Variants in SLC33A1 observed in about 807,000 individuals in gnomAD.
SLC33A1 encodes acetyl-coenzyme A transporter 1.
Under a neutral mutation model 50.0 loss-of-function variants are expected in SLC33A1, and 20 were observed. The ratio of observed to expected loss-of-function variants is 0.40; its 90% CI spans 0.28 to 0.58. SLC33A1 has a LOEUF of 0.58. Among genes scored for constraint, SLC33A1 ranks in the 20% least tolerant of loss-of-function variants. The pLI is 0.44. For missense variants in SLC33A1, 476 were observed against 657.0 expected (o/e 0.72, Z 3.01); for synonymous variants, 265 against 251.8 (o/e 1.05, Z -0.50).
At chr3:155,852,053 T>C (rs922057722) in intron 1 of SLC33A1, among the ~76,000 whole-genome samples, 23 of 152,210 alleles carry the variant, frequency 1.5e-4, no homozygotes, top group Admixed American at 3.9e-4. Flanking sequence ...AAATTCATCA[T>C]CACTGACAGA....
At chr3:155,843,835 C>A (rs974096777) in intron 1 of SLC33A1, among the ~76,000 whole-genome samples, 1 of 152,198 alleles carries the variant, frequency 6.6e-6, no homozygotes, top group African/African-American at 2.4e-5. Context: ...ATCTCATTAA[C>A]CACCCTGAGA....
intron 2 of SLC33A1, among the ~76,000 whole-genome samples, chr3:155,836,299 A>AGG (rs1752665351): frequency 4.3e-5 from 6 of 138,910 alleles, no homozygotes; most frequent in South Asian, 2.2e-4. Context: ...AAAAAAAAAA[A>AGG]AAAAAAAAAA....
intron 2 of SLC33A1, among the ~76,000 whole-genome samples, chr3:155,837,675 G>A (rs1752738461): frequency 6.6e-6 from 1 of 151,822 alleles, no homozygotes; most frequent in Non-Finnish European, 1.5e-5. Context: ...ATACTATACA[G>A]TAATGAGATA....
chr3:155,849,667 G>A (rs899791730), intron 1 of SLC33A1, among the ~76,000 whole-genome samples: 1 of 151,786 alleles, frequency 6.6e-6, no homozygotes, highest in African/African-American at 2.4e-5. Flanking sequence ...CAGCACTTTG[G>A]GAAGCCGAGG....
At chr3:155,832,453 A>T (rs1452614864) in intron 4 of SLC33A1, among the ~76,000 whole-genome samples, 1 of 152,192 alleles carries the variant, frequency 6.6e-6, no homozygotes, top group African/African-American at 2.4e-5. Flanking sequence ...TAAGGATTAC[A>T]AACATATTTA....
chr3:155,834,853 GA>G (rs35406311), intron 2 of SLC33A1, among the ~76,000 whole-genome samples: 31,266 of 152,016 alleles, frequency 0.21, 3,760 homozygotes, highest in South Asian at 0.4. Context: ...GAAGAAACAT[GA>G]GAGAAATGTA....
intron 1 of SLC33A1, chr3:155,844,909 T>C (rs1186349930): frequency 6.6e-6 from 1 of 152,180 alleles, no homozygotes; most frequent in Non-Finnish European, 1.5e-5. Flanking sequence ...TCAAATAATT[T>C]TACATATTAT....
chr3:155,840,308 G>A (rs560271664), intron 2 of SLC33A1, among the ~76,000 whole-genome samples: 1 of 151,750 alleles, frequency 6.6e-6, no homozygotes, highest in South Asian at 2.1e-4. Flanking sequence ...GGCTGGTCTC[G>A]AACTCCTGGC....
At chr3:155,849,600 A>G (rs7616842) in intron 1 of SLC33A1, among the ~76,000 whole-genome samples, 50,092 of 150,008 alleles carry the variant, frequency 0.33, 8,671 homozygotes, top group South Asian at 0.46. Context: ...AAAAAAAAAA[A>G]GGGGCAATTC....
At position 155,826,452 on chromosome 3, in the gene SLC33A1, A is replaced by G. The variant is rs1752201622; in HGVS notation, c.*1758T>C. 1 of 152,148 alleles carries G rather than the reference A, an allele frequency of 6.6e-6. No individual in the cohort carries two copies. The highest frequency in any genetic ancestry group is 2.1e-4 in the South Asian group (1 of 4,828). 9.4% of individuals were successfully genotyped at this position (152,148 alleles called of 1,614,324 possible). On this transcript the variant is annotated 3_prime_UTR_variant, in exon 6 of 6. Coordinates refer to ENST00000643144, the MANE Select transcript of SLC33A1 (RefSeq NM_004733.4). The stretch of plus-strand genomic sequence containing the variant: ...TTTGTAATAATATACACGGGAAGAA[A>G]TAAAAGGTTATTATGGCAATCTGAG...
At chr3:155,833,375 T>G (rs1752523752) in intron 4 of SLC33A1, 93 bp downstream of exon 4, 2 of 786,992 alleles carry the variant, frequency 2.5e-6, no homozygotes, top group Non-Finnish European at 4.6e-6. Context: ...ATGCTTAAAA[T>G]TTATTATCAT....
rs1752124091 is a variant in SLC33A1 at position 155,822,949 on chromosome 3, C to T, written c.*5261G>A. The T allele has an allele frequency of 6.6e-6, 1 of 152,124 alleles. No individual in the cohort carries two copies. Among genetic ancestry groups the T allele is most frequent in the Admixed American group, 6.6e-5 (1 of 15,258 alleles). 9.4% of individuals were successfully genotyped at this position (152,124 alleles called of 1,614,324 possible). On this transcript the variant is annotated 3_prime_UTR_variant, in exon 6 of 6. Transcript: ENST00000643144. ...TCCTGAGCTCAAGCAATACTCCTACCTTGGCATCCCAAAGTGTTGGGATTA... is the reference window on the plus strand; with the variant it reads ...TCCTGAGCTCAAGCAATACTCCTACTTTGGCATCCCAAAGTGTTGGGATTA...
chr3:155,851,147 A>T (rs1457082945), intron 1 of SLC33A1, among the ~76,000 whole-genome samples: 1 of 151,876 alleles, frequency 6.6e-6, no homozygotes, highest in Non-Finnish European at 1.5e-5. Flanking sequence ...AGGCTGAGGC[A>T]GGAGAATGGC....
chr3:155,847,617 G>A (rs1195672616), intron 1 of SLC33A1, among the ~76,000 whole-genome samples: 2 of 151,510 alleles, frequency 1.3e-5, no homozygotes, highest in African/African-American at 2.4e-5. Context: ...GCATTGTGGC[G>A]TGTGCCTGTA....
rs765573125 is a variant in SLC33A1, at chr3:155,828,259, T to C, written c.1601A>G (p.Lys534Arg). The C allele has an allele frequency of 3.7e-6, 6 of 1,613,152 alleles. No individual in the cohort carries two copies. The highest frequency in any genetic ancestry group is 5.1e-6 in the Non-Finnish European group (6 of 1,179,190). The change falls in exon 6 of 6, where the codon AAG becomes AGG. Residue 534 changes from lysine to arginine, a missense_variant. Physicochemically the swap from Lys to Arg is conservative, Grantham distance 26 (BLOSUM62 2). Transcript: ENST00000643144. ...CGAAGATGATCCTTCATCCTGTAACTTTTTAAATTTTGGACCAAGAAAGAA... is the reference window on the plus strand; with the variant it reads ...CGAAGATGATCCTTCATCCTGTAACCTTTTAAATTTTGGACCAAGAAAGAA... ...WWFFLGPKFK[K>R]LQDEGSSSWK...
intron 4 of SLC33A1, among the ~76,000 whole-genome samples, chr3:155,831,874 C>T (rs930046727): frequency 5.9e-5 from 9 of 152,166 alleles, no homozygotes; most frequent in African/African-American, 1.9e-4. Context: ...TTACTGTATG[C>T]ACAAAACTAC....
At chr3:155,853,044 T>C (rs539529062) in intron 1 of SLC33A1, 179 bp downstream of exon 1, 2 of 631,536 alleles carry the variant, frequency 3.2e-6, no homozygotes, top group Admixed American at 5.7e-5. Context: ...TTGATTGCTC[T>C]AATATCATTC....
intron 2 of SLC33A1, among the ~76,000 whole-genome samples, chr3:155,841,628 A>G (rs55890963): frequency 0.2 from 29,886 of 152,000 alleles, 7,470 homozygotes; most frequent in African/African-American, 0.58. Flanking sequence ...TATAGAATAA[A>G]AGTCACCAGT....
chr3:155,853,896 A>T lies in SLC33A1; in HGVS notation c.102T>A (p.Gly34=). ...DMKSGPLPPG[G]WDDSHLDSAG... is the part of the protein sequence containing the mutation. ...CTGAGTCCAAATGACTGTCATCCCAACCGCCTGGCGGCAGGGGACCGCTCT... is the reference window on the plus strand; with the variant it reads ...CTGAGTCCAAATGACTGTCATCCCATCCGCCTGGCGGCAGGGGACCGCTCT... Residue 34 remains glycine, a synonymous_variant, in exon 1 of 6, where the codon GGT becomes GGA. Transcript: ENST00000643144. 6.5e-7 allele frequency: 1 copy of T among 1,548,642 alleles called. No homozygotes were observed. The highest frequency in any genetic ancestry group is 1.3e-5 in the South Asian group (1 of 79,954).
Sources: gnomAD v4.1 joint callset for allele counts (sites outside exome capture counted in the v4.1 genomes callset) on GRCh38, gnomAD v4.1.1 for gene constraint, MANE v1.5 for transcripts, NCBI Gene and HGNC (gene_info 2026-07-23, HGNC 2026-07-21) for gene names.